Variants in PLCH2 observed in about 807,000 individuals in gnomAD.
PLCH2 encodes 1-phosphatidylinositol 4,5-bisphosphate phosphodiesterase eta-2.
A neutral mutation model predicts 134.7 loss-of-function variants in PLCH2; 98 were observed. The observed-to-expected ratio is 0.73, with a 90% CI of 0.62 to 0.86. The LOEUF (loss-of-function observed/expected upper bound fraction) is 0.86. Among genes scored for constraint, PLCH2 ranks in the 40% least tolerant of loss-of-function variants. PLCH2 has a pLI of 0.00. For synonymous variants in PLCH2, 974 were observed against 827.5 expected, an observed-to-expected ratio of 1.18 and a Z score of -3.04; for missense variants, 1,994 against 1,986.6, an observed-to-expected ratio of 1.00 and a Z score of -0.07.
At chr1:2,474,023 G>C (rs901415467), upstream of PLCH2, among the ~76,000 whole-genome samples, 1 of 152,228 alleles carries the variant, frequency 6.6e-6, no homozygotes, top group Non-Finnish European at 1.5e-5. Flanking sequence ...ACAGAGCAGA[G>C]CGTGGCTTCT....
intron 1 of PLCH2, 121 bp from the exon 2 acceptor site, chr1:2,478,355 G>T: frequency 8.0e-7 from 1 of 1,247,826 alleles, no homozygotes; most frequent in Non-Finnish European, 1.1e-6. Flanking sequence ...AGGAGTGGCC[G>T]TGCCTCCGCT....
At chr1:2,491,477 T>C (rs1642578789) in intron 11 of PLCH2, 142 bp downstream of exon 11, 1 of 858,290 alleles carries the variant, frequency 1.2e-6, no homozygotes, top group Non-Finnish European at 1.8e-6. Flanking sequence ...CATACCTCTG[T>C]ACACACCTCC....
At chr1:2,456,379 C>T (rs1640493436) in intron 2 of PLCH2, among the ~76,000 whole-genome samples, 1 of 152,200 alleles carries the variant, frequency 6.6e-6, no homozygotes, top group African/African-American at 2.4e-5. Context: ...GGCGGGGCGG[C>T]CCTGGGGGGC....
chr1:2,480,587 C>T (rs2100655794), intron 4 of PLCH2, among the ~76,000 whole-genome samples: 1 of 152,096 alleles, frequency 6.6e-6, no homozygotes, highest in South Asian at 2.1e-4. Context: ...GGGCACCTGG[C>T]ACAGGCCCTG....
rs374836012 is a variant in PLCH2 at position 2,495,426 on chromosome 1, C to G, written c.1753-62C>G. 6 of 1,426,198 alleles carry G rather than the reference C, an allele frequency of 4.2e-6. No individual in the cohort carries two copies. In the South Asian group the frequency reaches 7.4e-5, roughly 18 times the overall value. 88.3% of individuals were successfully genotyped at this position (1,426,198 alleles called of 1,614,324 possible). On this transcript the variant is annotated intron_variant, in intron 12 of 21. Transcript: ENST00000378486. ...GGATAGGCCCTCCCCAACCCCCCAG[C>G]CTTCGCCAAGGCCTGGCCTGGGCCA...
At chr1:2,420,458 C>T in the PLCH2 span, among the ~76,000 whole-genome samples, 2 of 152,180 alleles carry the variant, frequency 1.3e-5, no homozygotes, top group African/African-American at 2.4e-5. Context: ...CAGTGGGATG[C>T]GGGGCTGAAC....
chr1:2,489,124 T>C (rs1642427574), intron 8 of PLCH2, 83 bp from the exon 9 acceptor site: 2 of 1,254,538 alleles, frequency 1.6e-6, no homozygotes, highest in South Asian at 1.4e-5. Flanking sequence ...ATGGTTTAGA[T>C]GACCTGGGAT....
the PLCH2 span, among the ~76,000 whole-genome samples, chr1:2,420,310 C>T: frequency 1.3e-5 from 2 of 152,186 alleles, no homozygotes; most frequent in Admixed American, 1.3e-4. Context: ...GCCCCCTGCC[C>T]TGTGATTTCA....
At chr1:2,468,519 G>A (rs1641178446) in intron 1 of PLCH2, among the ~76,000 whole-genome samples, 1 of 151,464 alleles carries the variant, frequency 6.6e-6, no homozygotes, top group Non-Finnish European at 1.5e-5. Context: ...TGGGCCAGAG[G>A]GGCAGGGTCT....
chr1:2,456,058 G>A lies in PLCH2; in HGVS notation c.116-22418G>A, dbSNP rs528103734. The stretch of plus-strand genomic sequence containing the variant: ...GGCAATATTGCAATTATTAGATTCC[G>A]TGTTTGTAAGGAAACAGCGTCGCCT... On this transcript the variant is annotated intron_variant, in intron 2 of 3. Transcript: ENST00000609981. 6.6e-5 allele frequency among the ~76,000 whole-genome samples: 10 copies of A among 152,364 alleles called. No homozygotes were observed. In the South Asian group the frequency reaches 1.2e-3, roughly 19 times the overall value.
chr1:2,486,928 A>G lies in PLCH2; in HGVS notation c.838A>G (p.Ser280Gly). 1 of 1,607,598 alleles carries G rather than the reference A, an allele frequency of 6.2e-7. No individual in the cohort carries two copies. ...EQKMAGVTLE[S>G]CQDIIEQFEP... ...CTAGATGGCGGGTGTGACCCTCGAG[A>G]GCTGCCAGGACATCATCGAGCAGTT... Residue 280 changes from serine (S) to glycine (G), a missense_variant, in exon 6 of 22, where the codon AGC becomes GGC. Physicochemically the swap from Ser to Gly is moderately conservative, Grantham distance 56. Around this residue, in one of 2 missense-constraint regions of PLCH2, gnomAD observed 1,094 missense variants for 1,234.3 expected, o/e 0.89. Transcript: ENST00000378486.
intron 2 of PLCH2, among the ~76,000 whole-genome samples, chr1:2,451,085 G>C (rs1165389592): frequency 3.3e-5 from 5 of 152,104 alleles, no homozygotes; most frequent in Admixed American, 2.0e-4. Flanking sequence ...ACGCTGTCTG[G>C]AAATAGGACT....
rs568355904 is a variant in PLCH2 at position 2,505,165 on chromosome 1, C to G, written c.4203C>G (p.Leu1401=). 2 of 1,568,546 alleles carry G rather than the reference C, an allele frequency of 1.3e-6. No homozygotes were observed. The highest frequency in any genetic ancestry group is 1.2e-5 in the South Asian group (1 of 86,570). ...CACCAGCACCCTCCAAGGGAGCCCT[C>G]GGGCCAGCATCCGCGGCTGCTGAAA... ...VDAPAPSKGA[L]GPASAAAENL... is the part of the protein sequence containing the mutation. The change falls in exon 22 of 22, where the codon CTC becomes CTG. Residue 1401 remains leucine (L), a synonymous_variant. Coordinates refer to ENST00000378486, the MANE Select transcript of PLCH2 (RefSeq NM_014638.4).
chr1:2,458,983 C>T (rs1348698096), intron 2 of PLCH2, among the ~76,000 whole-genome samples: 1 of 152,272 alleles, frequency 6.6e-6, no homozygotes, highest in East Asian at 1.9e-4. Context: ...GGTCTTGCAG[C>T]GTGGCTGCTC....
rs199920245 is a variant in PLCH2, at chr1:2,484,452, C to T, written c.650C>T (p.Ala217Val). The T allele has an allele frequency of 1.4e-4, 231 of 1,612,996 alleles. No individual in the cohort carries two copies. The African/African-American group carries it at 2.6e-3, about 18-fold the overall frequency. Reference sequence around the variant, plus strand: ...ACCCAAGGCCTTGCATTGCAGGAAGCGGACACGGATGACCACCAAGGGACG... The same window carrying T: ...ACCCAAGGCCTTGCATTGCAGGAAGTGGACACGGATGACCACCAAGGGACG... The part of the protein sequence containing the change: ...RQRVKQMFRE[A>V]DTDDHQGTLG... The change falls in exon 5 of 22, where the codon GCG becomes GTG. Residue 217 changes from alanine (A) to valine (V), a missense_variant. Ala to Val is a moderately conservative substitution (Grantham distance 64). Coordinates refer to ENST00000378486, the MANE Select transcript of PLCH2 (RefSeq NM_014638.4).
Position 2,454,326 on chromosome 1 carries a change from G to A in PLCH2, c.115+23697G>A, listed in dbSNP as rs570208606. Among the ~76,000 whole-genome samples, 4 of 152,286 alleles carry A rather than the reference G, an allele frequency of 2.6e-5. No homozygotes were observed. In the South Asian group the frequency reaches 8.3e-4, roughly 32 times the overall value. Reference sequence around the variant, plus strand: ...CACGTGGGGATCCCCAGGCAGCCCCGAGACAGGGTCTTAGGGCTGCCTCTG... The same window carrying A: ...CACGTGGGGATCCCCAGGCAGCCCCAAGACAGGGTCTTAGGGCTGCCTCTG... On this transcript the variant is annotated intron_variant, in intron 2 of 3. Transcript: ENST00000609981.
chr1:2,499,549 G>A, intron 19 of PLCH2, 92 bp from the exon 20 acceptor site: 1 of 983,348 alleles, frequency 1.0e-6, no homozygotes, highest in Non-Finnish European at 1.6e-6. Context: ...TGTATCTGGG[G>A]TCTTGGGACC....
the PLCH2 span, among the ~76,000 whole-genome samples, chr1:2,417,480 G>A: frequency 2.0e-5 from 3 of 152,176 alleles, no homozygotes; most frequent in Non-Finnish European, 4.4e-5. Context: ...ATCACACAGG[G>A]TGGGGTTCCC....
chr1:2,472,216 T>A (rs1208616419), upstream of PLCH2, among the ~76,000 whole-genome samples: 4 of 152,194 alleles, frequency 2.6e-5, no homozygotes, highest in African/African-American at 9.6e-5. Context: ...GACAAGTGGC[T>A]TCTCTCAGAC....
Sources: gnomAD v4.1 joint callset for allele counts (sites outside exome capture counted in the v4.1 genomes callset) on GRCh38, gnomAD v4.1.1 for gene constraint, gnomAD v4.1.1 regional missense constraint, MANE v1.5 for transcripts, NCBI Gene and HGNC (gene_info 2026-07-23, HGNC 2026-07-21) for gene names.